The following EEFSEC variants were observed in gnomAD, a reference collection of about 807,000 sequenced individuals.
The protein encoded by EEFSEC is eukaryotic elongation factor, selenocysteine-tRNA specific.
Under a neutral mutation model 42.1 loss-of-function variants are expected in EEFSEC, and 43 were observed. The observed-to-expected ratio is 1.02, with a 90% confidence interval of 0.80 to 1.32. The LOEUF is 1.32. EEFSEC is among the 40% of genes most tolerant of loss of function. The probability of loss-of-function intolerance (pLI) is 0.00; values close to 1 mark genes in which losing one functional copy is unlikely to be tolerated. For synonymous variants in EEFSEC, 354 were observed against 339.1 expected (o/e 1.04, Z -0.48); for missense variants, 745 against 803.6 (o/e 0.93, Z 0.88).
intron 4 of EEFSEC, among the ~76,000 whole-genome samples, chr3:128,331,969 T>C (rs2067138507): frequency 6.6e-6 from 1 of 152,190 alleles, no homozygotes; most frequent in Non-Finnish European, 1.5e-5. Flanking sequence ...TATGTATATA[T>C]ACAATTTGAT....
At chr3:128,409,114 A>G (rs936018245), downstream of EEFSEC, among the ~76,000 whole-genome samples, 4 of 152,218 alleles carry the variant, frequency 2.6e-5, no homozygotes, top group Admixed American at 2.6e-4. Flanking sequence ...TTGTAGCCCC[A>G]GGCTGTGGGA....
At chr3:128,300,240 T>G (rs369590875) in intron 4 of EEFSEC, among the ~76,000 whole-genome samples, 20 of 152,222 alleles carry the variant, frequency 1.3e-4, no homozygotes, top group South Asian at 6.2e-4. Flanking sequence ...CATTCTTGAC[T>G]CCAGCACTGT....
At chr3:128,313,691 G>A (rs1443697097) in intron 4 of EEFSEC, among the ~76,000 whole-genome samples, 2 of 152,232 alleles carry the variant, frequency 1.3e-5, no homozygotes. Flanking sequence ...CATGAGCACA[G>A]CAGAGAACTG....
intron 1 of EEFSEC, among the ~76,000 whole-genome samples, chr3:128,211,848 C>CTTTTTTTTTTTTTTTTTTTT (rs34885945): frequency 5.8e-5 from 3 of 51,698 alleles, no homozygotes; most frequent in African/African-American, 8.2e-5. Context: ...TTTTTCTTTT[C>CTTTTTTTTTTTTTTTTTTTT]TTTTTTTTTT....
At chr3:128,269,512 A>G (rs777858523) in intron 4 of EEFSEC, among the ~76,000 whole-genome samples, 38 of 152,354 alleles carry the variant, frequency 2.5e-4, no homozygotes, top group Middle Eastern at 3.4e-3. Context: ...TTCCAAACAC[A>G]GTGACATCCC....
Position 128,262,135 on chromosome 3 carries a change from G to A in EEFSEC, c.532G>A (p.Gly178Ser), listed in dbSNP as rs769591033. 2 of 1,613,992 alleles carry A rather than the reference G, an allele frequency of 1.2e-6. No individual in the cohort carries two copies. Among genetic ancestry groups the A allele is most frequent in the East Asian group, 4.5e-5 (2 of 44,888 alleles). The change falls in exon 3 of 7, where the codon GGT (glycine) becomes AGT (serine). Residue 178 changes from glycine (G) to serine (S), a missense_variant. Gly to Ser is a moderately conservative substitution (Grantham distance 56, BLOSUM62 0). Transcript: ENST00000254730. ...ACTTATTTTCCATTTCAGGTTCCGA[G>A]GTGCACCGATTATACCCGTGGCGGC... ...QKTLENTKFRGAPIIPVAAKP... is the reference protein window; with the variant it reads ...QKTLENTKFRSAPIIPVAAKP...
chr3:128,353,414 A>G (rs750252087), intron 5 of EEFSEC, among the ~76,000 whole-genome samples: 7 of 151,966 alleles, frequency 4.6e-5, no homozygotes, highest in South Asian at 2.1e-4. Flanking sequence ...GGGCCCCACT[A>G]TAAGTGCTGC....
In EEFSEC at chr3:128,341,789, G is replaced by A. The variant is rs746410344; in HGVS notation, c.1343G>A (p.Gly448Asp). The change falls in exon 5 of 7, where the codon GGC becomes GAC. Residue 448 changes from glycine to aspartate, a missense_variant. Gly to Asp is a moderately conservative substitution (Grantham distance 94). Transcript: ENST00000254730. ...AACACGTGCCGGCTAGCCTTCCATG[G>A]CATCCTGCTCCACGGGCTAGAGGAC... ...HTNTCRLAFH[G>D]ILLHGLEDRN... 1 of 1,614,116 alleles carries A rather than the reference G, an allele frequency of 6.2e-7. No individual in the cohort carries two copies. The highest frequency in any genetic ancestry group is 1.7e-5 in the Admixed American group (1 of 60,026).
chr3:128,391,983 C>T (rs1410947949), intron 6 of EEFSEC, among the ~76,000 whole-genome samples: 3 of 152,184 alleles, frequency 2.0e-5, no homozygotes, highest in Non-Finnish European at 2.9e-5. Context: ...TGAGTGTGCC[C>T]CAGCCGTGGC....
At chr3:128,292,838 C>T (rs924564034) in intron 4 of EEFSEC, among the ~76,000 whole-genome samples, 5 of 150,726 alleles carry the variant, frequency 3.3e-5, no homozygotes, top group Non-Finnish European at 7.4e-5. Context: ...TTTCTACTTT[C>T]TTTGGGTTTA....
chr3:128,324,049 C>A (rs965198655), intron 4 of EEFSEC, among the ~76,000 whole-genome samples: 1 of 152,154 alleles, frequency 6.6e-6, no homozygotes, highest in Non-Finnish European at 1.5e-5. Context: ...GCCATGGACA[C>A]GGACCTCTCA....
intron 1 of EEFSEC, among the ~76,000 whole-genome samples, chr3:128,176,742 T>C (rs1241754664): frequency 6.6e-6 from 1 of 152,186 alleles, no homozygotes; most frequent in Non-Finnish European, 1.5e-5. Flanking sequence ...TGGTCTTGGG[T>C]AGATTACCTT....
intron 6 of EEFSEC, among the ~76,000 whole-genome samples, chr3:128,395,808 C>T (rs2067974405): frequency 6.6e-6 from 1 of 152,238 alleles, no homozygotes; most frequent in Middle Eastern, 3.2e-3. Context: ...GCACCCTCAG[C>T]CACAGCCATG....
At position 128,228,586 on chromosome 3, in the gene EEFSEC, C is replaced by T. The variant is rs1020878892; in HGVS notation, c.317-18250C>T. 2.6e-5 allele frequency among the ~76,000 whole-genome samples: 4 copies of T among 151,934 alleles called. No homozygotes were observed. In the South Asian group the frequency reaches 6.2e-4, roughly 24 times the overall value. ...GGGAGGAGGGTCAGGGTTGGGGAGT[C>T]GGTCTCTGACCTTGACCTCCTGTGA... On this transcript the variant is annotated intron_variant, in intron 1 of 6. Transcript: ENST00000254730.
chr3:128,217,602 C>A (rs763355129), intron 1 of EEFSEC, among the ~76,000 whole-genome samples: 9 of 152,204 alleles, frequency 5.9e-5, no homozygotes, highest in Non-Finnish European at 1.2e-4. Flanking sequence ...CTCCCTTCCC[C>A]AGGGCCTGCC....
At chr3:128,190,835 C>T (rs2065516263) in intron 1 of EEFSEC, among the ~76,000 whole-genome samples, 1 of 152,194 alleles carries the variant, frequency 6.6e-6, no homozygotes, top group Non-Finnish European at 1.5e-5. Flanking sequence ...TGTTTAGATA[C>T]AGTTCAAGTA....
chr3:128,337,068 G>A (rs948029539), intron 4 of EEFSEC: 2 of 152,208 alleles, frequency 1.3e-5, no homozygotes, highest in African/African-American at 4.8e-5. Flanking sequence ...TGACTAAAAG[G>A]AAAGCCTGTT....
chr3:128,211,439 A>G (rs2065755085), intron 1 of EEFSEC, among the ~76,000 whole-genome samples: 1 of 152,058 alleles, frequency 6.6e-6, no homozygotes, highest in Non-Finnish European at 1.5e-5. Flanking sequence ...TGTTATGAAT[A>G]TGAGGTATCT....
At chr3:128,302,186 G>A (rs2066776510) in intron 4 of EEFSEC, among the ~76,000 whole-genome samples, 1 of 152,176 alleles carries the variant, frequency 6.6e-6, no homozygotes, top group African/African-American at 2.4e-5. Flanking sequence ...GGGCTGGGAA[G>A]AGGGCAGGAA....
Sources: gnomAD v4.1 joint callset for allele counts (sites outside exome capture counted in the v4.1 genomes callset) on GRCh38, gnomAD v4.1.1 for gene constraint, MANE v1.5 for transcripts, NCBI Gene and HGNC (gene_info 2026-07-23, HGNC 2026-07-21) for gene names.